The following NRG2 variants were observed in gnomAD, a reference collection of about 807,000 sequenced individuals.
NRG2 encodes neuregulin 2, also known as pro-neuregulin-2, membrane-bound isoform.
In NRG2, 27 loss-of-function variants were observed where a neutral mutation model predicts 73.9. The ratio of observed to expected loss-of-function variants is 0.37; its 90% confidence interval spans 0.27 to 0.50. The LOEUF (loss-of-function observed/expected upper bound fraction) is 0.50. NRG2 is among the 20% of genes least tolerant of loss of function. The pLI is 0.96. For synonymous variants in NRG2, 532 were observed against 541.0 expected (o/e 0.98, Z 0.23); for missense variants, 1,126 against 1,210.1 (o/e 0.93, Z 1.03).
chr5:140,030,639 A>G (rs1322681589), intron 1 of NRG2, among the ~76,000 whole-genome samples: 1 of 152,340 alleles, frequency 6.6e-6, no homozygotes, highest in Non-Finnish European at 1.5e-5. Flanking sequence ...AGAAACAAAT[A>G]CGGAAAGCTC....
chr5:139,861,501 C>T (rs1762141022), intron 5 of NRG2, among the ~76,000 whole-genome samples: 1 of 152,210 alleles, frequency 6.6e-6, no homozygotes, highest in African/African-American at 2.4e-5. Flanking sequence ...GATCCTGGGG[C>T]TTCAACCCCC....
chr5:140,000,442 G>A (rs1457766003), intron 1 of NRG2, among the ~76,000 whole-genome samples: 1 of 152,244 alleles, frequency 6.6e-6, no homozygotes, highest in Non-Finnish European at 1.5e-5. Flanking sequence ...TAGGCATCCT[G>A]CCAAAGAGGG....
intron 1 of NRG2, among the ~76,000 whole-genome samples, chr5:139,978,406 C>G (rs1294059594): frequency 1.3e-5 from 2 of 152,210 alleles, no homozygotes; most frequent in Non-Finnish European, 2.9e-5. Flanking sequence ...TACTATTTCA[C>G]ACCAGTTAGA....
At chr5:139,879,088 T>C (rs1277451907) in intron 3 of NRG2, among the ~76,000 whole-genome samples, 1 of 152,200 alleles carries the variant, frequency 6.6e-6, no homozygotes, top group Non-Finnish European at 1.5e-5. Context: ...TTAATCTCCC[T>C]GAGCTTCTTA....
At chr5:139,965,459 C>T (rs1439397513) in intron 1 of NRG2, among the ~76,000 whole-genome samples, 1 of 152,236 alleles carries the variant, frequency 6.6e-6, no homozygotes, top group Non-Finnish European at 1.5e-5. Flanking sequence ...AGCAGAGCGA[C>T]GCAGTCCTCC....
At chr5:139,908,917 G>A (rs1431503630) in intron 1 of NRG2, among the ~76,000 whole-genome samples, 1 of 152,224 alleles carries the variant, frequency 6.6e-6, no homozygotes, top group Non-Finnish European at 1.5e-5. Flanking sequence ...CAGGCATCTG[G>A]AGCACCTCTG....
At chr5:140,034,191 A>C (rs967364967) in intron 1 of NRG2, among the ~76,000 whole-genome samples, 10 of 152,138 alleles carry the variant, frequency 6.6e-5, no homozygotes, top group Admixed American at 5.2e-4. Flanking sequence ...CGATCTCCTG[A>C]CCTCATGATC....
intron 1 of NRG2, among the ~76,000 whole-genome samples, chr5:139,978,128 A>C (rs930946754): frequency 2.2e-4 from 34 of 152,232 alleles, no homozygotes; most frequent in African/African-American, 8.0e-4. Context: ...TCTGCACAGC[A>C]AAAGAAACTA....
At chr5:139,855,145 C>A (rs1256955005) in intron 6 of NRG2, among the ~76,000 whole-genome samples, 2 of 152,272 alleles carry the variant, frequency 1.3e-5, no homozygotes, top group East Asian at 3.9e-4. Flanking sequence ...CCTTTTGTCT[C>A]AATTGCTCCC....
At chr5:139,918,936 T>G (rs1348619043) in intron 1 of NRG2, among the ~76,000 whole-genome samples, 1 of 152,038 alleles carries the variant, frequency 6.6e-6, no homozygotes, top group Non-Finnish European at 1.5e-5. Context: ...AGCAAAACAG[T>G]CGATGGGGAA....
rs1224276806 is a variant in NRG2 at position 139,847,664 on chromosome 5, C to CTT, written c.*251_*252dup. The CTT allele has an allele frequency of 6.6e-5, 19 of 289,682 alleles. No homozygotes were observed. Among genetic ancestry groups the CTT allele is most frequent in the Non-Finnish European group, 8.7e-5 (14 of 160,472 alleles). The allele number at this position is 289,682 out of a possible 1,614,324, so 17.9% of individuals were successfully genotyped here. ...CATCTCTCTTTTTTTTTTGTTGTTTCTTTTTTTTTTCCGAAGCTGTAAATC... is the reference window on the plus strand; with the variant it reads ...CATCTCTCTTTTTTTTTTGTTGTTTCTTTTTTTTTTTTCCGAAGCTGTAAATC... On this transcript the variant is annotated 3_prime_UTR_variant, in exon 10 of 10. Coordinates refer to ENST00000361474, the MANE Select transcript of NRG2 (RefSeq NM_004883.3).
rs750080571 is a variant in NRG2 at position 139,988,182 on chromosome 5, T to C, written c.700+54188A>G. ...TGGTGAGGATGTGGAGCAACAGGAA[T>C]TCTGGTTCATTGCTGGTGGGAATGC... On this transcript the variant is annotated intron_variant, in intron 1 of 9. Transcript: ENST00000361474. Among the ~76,000 whole-genome samples the C allele has an allele frequency of 7.2e-5, 11 of 152,158 alleles. 1 individual carries two copies. The highest frequency in any genetic ancestry group is 1.3e-4 in the Admixed American group (2 of 15,284).
rs544747075 is a variant in NRG2, at chr5:139,853,396, ACTCCCTCTCTCT to A, written c.1293-381_1293-370del. Among the ~76,000 whole-genome samples the A allele has an allele frequency of 5.8e-4, 88 of 151,624 alleles. 2 individuals carry two copies. The highest frequency in any genetic ancestry group is 1.5e-3 in the Admixed American group (23 of 15,202). On this transcript the variant is annotated intron_variant, in intron 6 of 9. Coordinates refer to ENST00000361474, the MANE Select transcript of NRG2 (RefSeq NM_004883.3). The surrounding 1 kb of genome is among the most constrained non-coding windows in gnomAD (Gnocchi z 4.1). ...TATGAAACATTCAAGCACAGTGCTG[ACTCCCTCTCTCT>A]CTCCCTCATTCATTAATTTGGTATG...
chr5:139,963,180 G>T (rs1461505784), intron 1 of NRG2, among the ~76,000 whole-genome samples: 1 of 152,198 alleles, frequency 6.6e-6, no homozygotes. Context: ...CCTCCATAAA[G>T]CAGATCTCAA....
At chr5:139,958,775 A>G (rs1286583374) in intron 1 of NRG2, among the ~76,000 whole-genome samples, 2 of 152,126 alleles carry the variant, frequency 1.3e-5, no homozygotes, top group Non-Finnish European at 2.9e-5. Flanking sequence ...CCTGTCCACC[A>G]CTCACGTCTG....
chr5:139,893,339 G>A (rs1764340384), intron 1 of NRG2, among the ~76,000 whole-genome samples: 1 of 152,196 alleles, frequency 6.6e-6, no homozygotes, highest in Non-Finnish European at 1.5e-5. Context: ...TGTGGCTGAA[G>A]GGAGGAGCAG....
intron 1 of NRG2, among the ~76,000 whole-genome samples, chr5:139,991,763 G>A (rs970417466): frequency 1.3e-5 from 2 of 152,054 alleles, no homozygotes; most frequent in Admixed American, 6.6e-5. Context: ...TTCCAGTTTC[G>A]CTTTTTTGCA....
intron 1 of NRG2, among the ~76,000 whole-genome samples, chr5:140,000,270 A>G (rs893710961): frequency 6.6e-6 from 1 of 152,236 alleles, no homozygotes; most frequent in Non-Finnish European, 1.5e-5. Flanking sequence ...GAGGAAGTGA[A>G]GCACAGAACT....
chr5:139,998,141 T>C (rs555474459), intron 1 of NRG2, among the ~76,000 whole-genome samples: 8 of 152,194 alleles, frequency 5.3e-5, no homozygotes, highest in Non-Finnish European at 1.2e-4. Context: ...AGACTCTAGA[T>C]TGGAAGTCAG....
Sources: gnomAD v4.1 joint callset for allele counts (sites outside exome capture counted in the v4.1 genomes callset) on GRCh38, gnomAD v4.1.1 for gene constraint, Gnocchi (gnomAD v3.1) non-coding constraint, MANE v1.5 for transcripts, NCBI Gene and HGNC (gene_info 2026-07-23, HGNC 2026-07-21) for gene names.